DISC1: variants seen among roughly 807,000 people sequenced by gnomAD.
DISC1 encodes the protein DISC1 scaffold protein.
Under a neutral mutation model 84.5 loss-of-function variants are expected in DISC1, and 57 were observed. That is an observed-to-expected ratio of 0.67 (90% confidence interval 0.55 to 0.84). DISC1 has a LOEUF of 0.84. Among genes scored for constraint, DISC1 ranks in the 40% least tolerant of loss-of-function variants. The pLI, the probability that DISC1 is intolerant of heterozygous loss-of-function variation, is 0.00. For synonymous variants in DISC1, 411 were observed against 415.2 expected, an observed-to-expected ratio of 0.99 and a Z score of 0.12; for missense variants, 1,000 against 1,057.8, an observed-to-expected ratio of 0.95 and a Z score of 0.76.
At chr1:231,669,746 GA>G (rs1558289677) in intron 1 of DISC1, among the ~76,000 whole-genome samples, 3 of 151,866 alleles carry the variant, frequency 2.0e-5, no homozygotes, top group African/African-American at 4.8e-5. Flanking sequence ...AGGTTGTGGA[GA>G]AAAAAACGCT....
Position 232,003,203 on chromosome 1 carries a change from G to A in DISC1, c.2043-5582G>A, listed in dbSNP as rs146763498. Reference sequence around the variant, plus strand: ...AATCCAAAGATAAAATCTTAGAATGGGTTTTATACAATTCAGCAAATGTTT... The same window carrying A: ...AATCCAAAGATAAAATCTTAGAATGAGTTTTATACAATTCAGCAAATGTTT... On this transcript the variant is annotated intron_variant, in intron 10 of 12. Coordinates refer to ENST00000439617, the MANE Select transcript of DISC1 (RefSeq NM_018662.3). Among the ~76,000 whole-genome samples, 9 of 152,122 alleles carry A rather than the reference G, an allele frequency of 5.9e-5. No homozygotes were observed. The East Asian group carries it at 1.7e-3, about 29-fold the overall frequency.
At chr1:231,830,204 G>A (rs1043332353) in intron 9 of DISC1, among the ~76,000 whole-genome samples, 1 of 152,142 alleles carries the variant, frequency 6.6e-6, no homozygotes, top group East Asian at 1.9e-4. Flanking sequence ...GGGCTGCTTC[G>A]AGCGGGATTA....
At chr1:231,644,651 A>C (rs2059984052) in intron 1 of DISC1, among the ~76,000 whole-genome samples, 1 of 152,132 alleles carries the variant, frequency 6.6e-6, no homozygotes, top group Admixed American at 6.5e-5. Flanking sequence ...CAACCTCCTC[A>C]ACAGTACAGC....
intron 12 of DISC1, 106 bp from the exon 13 acceptor site, chr1:232,036,586 G>A: frequency 9.5e-7 from 1 of 1,048,622 alleles, no homozygotes; most frequent in Non-Finnish European, 1.3e-6. Flanking sequence ...CTGCAATTAG[G>A]TGTCAGTACC....
chr1:231,774,221 T>C (rs1451187174), intron 6 of DISC1, among the ~76,000 whole-genome samples: 1 of 151,092 alleles, frequency 6.6e-6, no homozygotes, highest in Non-Finnish European at 1.5e-5. Flanking sequence ...GCCACTGCAG[T>C]CCAGCCAGGG....
rs148329472 is a variant in DISC1, at chr1:231,833,854, G to A, written c.1981+15337G>A. On this transcript the variant is annotated intron_variant, in intron 9 of 12. Coordinates refer to ENST00000439617, the MANE Select transcript of DISC1 (RefSeq NM_018662.3). ...CTATTATTGTACACCTTGAAGGCAC[G>A]GTTAATGAAGTCCTGTTGTGGGGTT... 2.3e-3 allele frequency among the ~76,000 whole-genome samples: 356 copies of A among 152,270 alleles called. 2 individuals carry two copies. The highest frequency in any genetic ancestry group is 8.2e-3 in the African/African-American group (341 of 41,544).
intron 2 of DISC1, among the ~76,000 whole-genome samples, chr1:231,699,962 C>G (rs1337392690): frequency 2.6e-5 from 4 of 152,180 alleles, no homozygotes; most frequent in Non-Finnish European, 5.9e-5. Context: ...TCTGCCTGAG[C>G]CTTTGTACTG....
At chr1:231,725,482 A>G (rs1461028929) in intron 3 of DISC1, among the ~76,000 whole-genome samples, 5 of 152,154 alleles carry the variant, frequency 3.3e-5, no homozygotes, top group Non-Finnish European at 7.4e-5. Flanking sequence ...GAAGTTCTAA[A>G]TAACCCACCC....
chr1:231,734,646 G>A (rs2072237911), intron 3 of DISC1, among the ~76,000 whole-genome samples: 1 of 152,176 alleles, frequency 6.6e-6, no homozygotes, highest in Non-Finnish European at 1.5e-5. Context: ...TCTTGCTGGG[G>A]AAGAACACTT....
chr1:231,629,259 T>C (rs1448902129), intron 1 of DISC1: 1 of 152,622 alleles, frequency 6.6e-6, no homozygotes, highest in Non-Finnish European at 1.5e-5. Flanking sequence ...ATCTGGATTG[T>C]TTTGTTTTGT....
chr1:231,743,759 A>G (rs566676083), intron 3 of DISC1, among the ~76,000 whole-genome samples: 3 of 152,198 alleles, frequency 2.0e-5, no homozygotes, highest in Non-Finnish European at 4.4e-5. Flanking sequence ...TTGGGACTTG[A>G]TCTTGGACAG....
At chr1:231,750,255 G>T in intron 4 of DISC1, 179 bp downstream of exon 4, 1 of 1,405,014 alleles carries the variant, frequency 7.1e-7, no homozygotes, top group Non-Finnish European at 9.2e-7. Context: ...GCCCATGTGG[G>T]TCATGCATCT....
At chr1:231,951,347 T>C (rs1360270134) in intron 9 of DISC1, among the ~76,000 whole-genome samples, 1 of 152,164 alleles carries the variant, frequency 6.6e-6, no homozygotes, top group African/African-American at 2.4e-5. Context: ...ATGTAGTCCA[T>C]CTAGTGATCA....
chr1:231,703,695 G>A (rs922258893), intron 3 of DISC1, among the ~76,000 whole-genome samples: 4 of 152,110 alleles, frequency 2.6e-5, no homozygotes, highest in African/African-American at 4.8e-5. Context: ...CAAACATTCC[G>A]CAACACCTAA....
intron 10 of DISC1, among the ~76,000 whole-genome samples, chr1:231,960,876 G>C (rs1660296396): frequency 6.6e-6 from 1 of 152,200 alleles, no homozygotes; most frequent in African/African-American, 2.4e-5. Context: ...CAACCAACTA[G>C]AAATTGGGAT....
chr1:231,670,055 G>A (rs1051325629), intron 1 of DISC1, among the ~76,000 whole-genome samples: 2 of 151,968 alleles, frequency 1.3e-5, no homozygotes, highest in Non-Finnish European at 2.9e-5. Context: ...AAAAGAATGC[G>A]ATAGGGACCT....
chr1:231,961,354 C>G (rs1459466257), intron 10 of DISC1, among the ~76,000 whole-genome samples: 1 of 152,156 alleles, frequency 6.6e-6, no homozygotes, highest in Non-Finnish European at 1.5e-5. Context: ...TAAGGTAGGT[C>G]AGAGAATTTC....
At chr1:231,980,317 G>A (rs971118545) in intron 10 of DISC1, among the ~76,000 whole-genome samples, 1 of 152,158 alleles carries the variant, frequency 6.6e-6, no homozygotes, top group African/African-American at 2.4e-5. Context: ...CTTTCTTACT[G>A]TAGACCTATC....
intron 9 of DISC1, among the ~76,000 whole-genome samples, chr1:231,942,963 T>C (rs1018470392): frequency 2.6e-5 from 4 of 152,266 alleles, no homozygotes; most frequent in African/African-American, 9.6e-5. Context: ...CATAATGTCA[T>C]GCTCGTAGCT....
Sources: allele counts gnomAD v4.1 joint callset (sites outside exome capture counted in the v4.1 genomes callset), GRCh38; gene constraint gnomAD v4.1.1; transcripts MANE v1.5; gene names NCBI Gene and HGNC (gene_info 2026-07-23, HGNC 2026-07-21).